The following CFAP299 variants were observed in gnomAD, a reference collection of about 807,000 sequenced individuals.
CFAP299 encodes cilia- and flagella-associated protein 299.
Under a neutral mutation model 27.0 loss-of-function variants are expected in CFAP299, and 21 were observed. The observed-to-expected ratio is 0.78, with a 90% CI of 0.55 to 1.12. CFAP299 has a LOEUF of 1.12. Ranked by LOEUF, CFAP299 falls within the 50% of genes most tolerant of loss-of-function variation. The pLI is 0.00. For missense variants in CFAP299, 310 were observed against 276.6 expected (o/e 1.12, Z -0.86); for synonymous variants, 104 against 98.1 (o/e 1.06, Z -0.36).
At chr4:80,630,831 A>T (rs543853239) in intron 3 of CFAP299, among the ~76,000 whole-genome samples, 1 of 152,140 alleles carries the variant, frequency 6.6e-6, no homozygotes, top group African/African-American at 2.4e-5. Flanking sequence ...CTTGTAAATT[A>T]TTTTTTTCTT....
chr4:80,537,961 T>C (rs1301623207), intron 2 of CFAP299, among the ~76,000 whole-genome samples: 1 of 152,130 alleles, frequency 6.6e-6, no homozygotes, highest in Non-Finnish European at 1.5e-5. Flanking sequence ...AAATAAAATA[T>C]TTTAACTACT....
intron 1 of CFAP299, among the ~76,000 whole-genome samples, chr4:80,337,785 G>A (rs1359888467): frequency 6.6e-6 from 1 of 152,056 alleles, no homozygotes; most frequent in East Asian, 1.9e-4. Context: ...TTTATATTTG[G>A]CATTGATTAA....
At chr4:80,401,494 G>A (rs1726153639) in intron 2 of CFAP299, among the ~76,000 whole-genome samples, 1 of 152,246 alleles carries the variant, frequency 6.6e-6, no homozygotes, top group South Asian at 2.1e-4. Context: ...GAAGCCCCAA[G>A]TCTTGGCAGC....
intron 3 of CFAP299, among the ~76,000 whole-genome samples, chr4:80,867,526 A>G (rs529457714): frequency 1.6e-4 from 24 of 152,334 alleles, no homozygotes; most frequent in African/African-American, 5.5e-4. Flanking sequence ...AAGCAACACA[A>G]TTTTACTTTC....
chr4:80,538,711 C>A (rs1297986846), intron 2 of CFAP299, among the ~76,000 whole-genome samples: 1 of 152,124 alleles, frequency 6.6e-6, no homozygotes, highest in African/African-American at 2.4e-5. Context: ...ACAGGCTATA[C>A]CCTGTAGCCT....
intron 1 of CFAP299, among the ~76,000 whole-genome samples, chr4:80,352,135 C>G (rs894669293): frequency 6.6e-6 from 1 of 152,004 alleles, no homozygotes; most frequent in Non-Finnish European, 1.5e-5. Flanking sequence ...ATGCCAGATC[C>G]TCAAAATGCG....
At chr4:80,718,897 C>A (rs1722646790) in intron 3 of CFAP299, among the ~76,000 whole-genome samples, 1 of 151,960 alleles carries the variant, frequency 6.6e-6, no homozygotes, top group Non-Finnish European at 1.5e-5. Flanking sequence ...CTTTGAATGT[C>A]CATTGATGAC....
At chr4:80,425,075 T>G (rs1224342070) in intron 2 of CFAP299, among the ~76,000 whole-genome samples, 1 of 152,170 alleles carries the variant, frequency 6.6e-6, no homozygotes, top group Non-Finnish European at 1.5e-5. Context: ...GGTATGTCTG[T>G]TGCTGTGGTT....
chr4:80,377,244 T>C (rs1724462271), intron 2 of CFAP299, among the ~76,000 whole-genome samples: 1 of 152,136 alleles, frequency 6.6e-6, no homozygotes, highest in Non-Finnish European at 1.5e-5. Flanking sequence ...ACTTTAGAGT[T>C]CTAGGTTTCA....
intron 2 of CFAP299, among the ~76,000 whole-genome samples, chr4:80,411,128 G>A (rs1726700270): frequency 6.6e-6 from 1 of 152,032 alleles, no homozygotes; most frequent in Admixed American, 6.6e-5. Flanking sequence ...ACCCATTATT[G>A]GGATAATTGA....
At chr4:80,386,929 G>T in intron 2 of CFAP299, 1 of 846,110 alleles carries the variant, frequency 1.2e-6, no homozygotes, top group Admixed American at 1.7e-5. Context: ...TTGTGAGCGC[G>T]CAGTTTGAGG....
intron 4 of CFAP299, among the ~76,000 whole-genome samples, chr4:80,885,848 T>G (rs1733944362): frequency 6.6e-6 from 1 of 152,162 alleles, no homozygotes; most frequent in East Asian, 1.9e-4. Flanking sequence ...GATTTTGCCA[T>G]GCACTTTAGG....
intron 3 of CFAP299, among the ~76,000 whole-genome samples, chr4:80,783,788 C>T (rs1032193974): frequency 6.6e-6 from 1 of 151,966 alleles, no homozygotes; most frequent in African/African-American, 2.4e-5. Context: ...AATATTGCAA[C>T]CTTGCTCCTT....
chr4:80,874,306 G>T (rs1036312559), intron 4 of CFAP299, among the ~76,000 whole-genome samples: 2 of 152,094 alleles, frequency 1.3e-5, no homozygotes, highest in Admixed American at 6.5e-5. Context: ...CTAACTAAAG[G>T]AGACTTGCCG....
At chr4:80,485,353 C>A (rs1180780736) in intron 2 of CFAP299, among the ~76,000 whole-genome samples, 4 of 151,412 alleles carry the variant, frequency 2.6e-5, no homozygotes, top group Admixed American at 1.3e-4. Context: ...CTCAGGACAA[C>A]CAATCCAATT....
At chr4:80,390,637 A>G (rs1484477144) in intron 2 of CFAP299, among the ~76,000 whole-genome samples, 1 of 142,748 alleles carries the variant, frequency 7.0e-6, no homozygotes, top group South Asian at 2.3e-4. Flanking sequence ...ATATGTATAC[A>G]CATATATGTA....
In CFAP299 at chr4:80,500,536, G is replaced by A. The variant is rs541067608; in HGVS notation, c.243-82557G>A. Reference sequence around the variant, plus strand: ...AATTTTAAATTGCAATAATTCTACTGGTTCAAAATAATCTTTTCATTTGTT... The same window carrying A: ...AATTTTAAATTGCAATAATTCTACTAGTTCAAAATAATCTTTTCATTTGTT... On this transcript the variant is annotated intron_variant, in intron 2 of 5. Coordinates refer to ENST00000358105, the MANE Select transcript of CFAP299 (RefSeq NM_152770.3). Among the ~76,000 whole-genome samples the A allele has an allele frequency of 2.2e-4, 33 of 152,104 alleles. No homozygotes were observed. In the South Asian group the frequency reaches 6.9e-3, roughly 32 times the overall value.
At chr4:80,478,338 AC>A (rs1485105638) in intron 2 of CFAP299, among the ~76,000 whole-genome samples, 1 of 151,984 alleles carries the variant, frequency 6.6e-6, no homozygotes, top group African/African-American at 2.4e-5. Flanking sequence ...TACCCCACAG[AC>A]TTTTATTTTA....
chr4:80,673,089 T>C lies in CFAP299; in HGVS notation c.333+89906T>C, dbSNP rs529534192. On this transcript the variant is annotated intron_variant, in intron 3 of 5. Transcript: ENST00000358105. ...TTTGCTCTTGCTTCTCTAGTTCTTT[T>C]AATTGTGATATTAGGGTGTCGATTT... 5.1e-3 allele frequency among the ~76,000 whole-genome samples: 770 copies of C among 152,274 alleles called. 8 individuals are homozygous for C. The highest frequency in any genetic ancestry group is 0.017 in the Middle Eastern group (5 of 292).
Sources: gnomAD v4.1 joint callset for allele counts (sites outside exome capture counted in the v4.1 genomes callset) on GRCh38, gnomAD v4.1.1 for gene constraint, MANE v1.5 for transcripts, NCBI Gene and HGNC (gene_info 2026-07-23, HGNC 2026-07-21) for gene names.